The following KHDRBS2 variants were observed in gnomAD, a reference collection of about 807,000 sequenced individuals.
The protein encoded by KHDRBS2 is KH RNA binding domain containing, signal transduction associated 2.
In KHDRBS2, 26 loss-of-function variants were observed where a neutral mutation model predicts 44.3. That is an observed-to-expected ratio of 0.59 (90% CI 0.43 to 0.81). The LOEUF is 0.81. Among genes scored for constraint, KHDRBS2 ranks in the 40% least tolerant of loss-of-function variants. The pLI is 0.00. For synonymous variants in KHDRBS2, 194 were observed against 151.1 expected (o/e 1.28, Z -2.08); for missense variants, 476 against 433.1 (o/e 1.10, Z -0.88).
intron 6 of KHDRBS2, among the ~76,000 whole-genome samples, chr6:61,864,669 G>T (rs1797526784): frequency 6.6e-6 from 1 of 152,054 alleles, no homozygotes; most frequent in Non-Finnish European, 1.5e-5. Context: ...AGGTGACCTG[G>T]CCTTTCTCTC....
chr6:61,745,856 A>G (rs12664191), intron 6 of KHDRBS2, among the ~76,000 whole-genome samples: 57,751 of 151,774 alleles, frequency 0.38, 12,116 homozygotes, highest in African/African-American at 0.57. Context: ...ATTTTATTTT[A>G]TTTTATTTGC....
In KHDRBS2 at chr6:61,956,966, G is replaced by A. The variant is rs191881213; in HGVS notation, c.483+21100C>T. 2.0e-4 allele frequency among the ~76,000 whole-genome samples: 30 copies of A among 151,832 alleles called. No individual in the cohort carries two copies. The East Asian group carries it at 4.8e-3, about 25-fold the overall frequency. On this transcript the variant is annotated intron_variant, in intron 4 of 8. Coordinates refer to ENST00000281156, the MANE Select transcript of KHDRBS2 (RefSeq NM_152688.4). Reference sequence around the variant, plus strand: ...TCTGTTGTGGGAAGTCAGGGACCCCGAACGGAGGAACCAGCTGAAGCCGTG... The same window carrying A: ...TCTGTTGTGGGAAGTCAGGGACCCCAAACGGAGGAACCAGCTGAAGCCGTG...
the KHDRBS2 span, among the ~76,000 whole-genome samples, chr6:61,576,982 G>T: frequency 6.6e-6 from 1 of 152,102 alleles, no homozygotes; most frequent in African/African-American, 2.4e-5. Flanking sequence ...TTGATTTATA[G>T]ATCATGTCTA....
chr6:61,545,728 T>C, the KHDRBS2 span, among the ~76,000 whole-genome samples: 1,954 of 152,116 alleles, frequency 0.013, 46 homozygotes, highest in African/African-American at 0.045. Context: ...AAGCTCTATT[T>C]CCAGAGTGAG....
downstream of KHDRBS2, among the ~76,000 whole-genome samples, chr6:61,678,096 C>T (rs1473168280): frequency 6.6e-6 from 1 of 151,552 alleles, no homozygotes. Flanking sequence ...CAGACCAAGT[C>T]GATCATTAAA....
At chr6:61,574,270 T>C in the KHDRBS2 span, 6 of 1,219,626 alleles carry the variant, frequency 4.9e-6, no homozygotes, top group Non-Finnish European at 7.0e-6. Context: ...ACGGCCGTGG[T>C]ACCCTAACCG....
intron 6 of KHDRBS2, among the ~76,000 whole-genome samples, chr6:61,867,430 C>A (rs966917594): frequency 2.0e-5 from 3 of 152,162 alleles, no homozygotes; most frequent in African/African-American, 7.2e-5. Context: ...GGGGACACAG[C>A]CAAACCCTAT....
intron 6 of KHDRBS2, among the ~76,000 whole-genome samples, chr6:61,849,632 GT>G (rs201486071): frequency 0.16 from 23,540 of 144,300 alleles, 2,260 homozygotes; most frequent in South Asian, 0.28. Flanking sequence ...GAGAAACAAA[GT>G]TTTTTTTTTT....
chr6:62,209,884 A>C lies in KHDRBS2; in HGVS notation c.92-32572T>G, dbSNP rs58236682. Among the ~76,000 whole-genome samples, 869 of 152,174 alleles carry C rather than the reference A, an allele frequency of 5.7e-3. 9 individuals are homozygous for C. The highest frequency in any genetic ancestry group is 0.02 in the African/African-American group (842 of 41,496). Reference sequence around the variant, plus strand: ...GAATTCACACCAGTGATTTGCCAGGAGCTCTCAAGCCTTTGACCACACACT... The same window carrying C: ...GAATTCACACCAGTGATTTGCCAGGCGCTCTCAAGCCTTTGACCACACACT... On this transcript the variant is annotated intron_variant, in intron 1 of 8. Coordinates refer to ENST00000281156, the MANE Select transcript of KHDRBS2 (RefSeq NM_152688.4).
intron 1 of KHDRBS2, among the ~76,000 whole-genome samples, chr6:62,179,033 C>A (rs1381014385): frequency 6.6e-6 from 1 of 151,344 alleles, no homozygotes; most frequent in African/African-American, 2.4e-5. Flanking sequence ...TTTTGTTATT[C>A]TATCTTTAAC....
intron 1 of KHDRBS2, among the ~76,000 whole-genome samples, chr6:62,186,206 T>C (rs770396068): frequency 2.0e-5 from 3 of 152,118 alleles, no homozygotes; most frequent in Non-Finnish European, 4.4e-5. Context: ...GTTCATTTAC[T>C]TAGTTTACTT....
At chr6:62,021,002 G>A (rs1445921241) in intron 3 of KHDRBS2, among the ~76,000 whole-genome samples, 1 of 152,028 alleles carries the variant, frequency 6.6e-6, no homozygotes, top group African/African-American at 2.4e-5. Flanking sequence ...ATGTTAGACT[G>A]TATAAAGAAA....
chr6:61,879,348 C>T (rs916080447), intron 6 of KHDRBS2, among the ~76,000 whole-genome samples: 5 of 151,900 alleles, frequency 3.3e-5, no homozygotes, highest in Non-Finnish European at 5.9e-5. Context: ...TATCTGTAAG[C>T]TTTGTTTTTG....
At chr6:61,545,233 G>A in the KHDRBS2 span, among the ~76,000 whole-genome samples, 1 of 151,888 alleles carries the variant, frequency 6.6e-6, no homozygotes, top group African/African-American at 2.4e-5. Flanking sequence ...ACCACTTGAG[G>A]CCAGGAGTTG....
intron 2 of KHDRBS2, among the ~76,000 whole-genome samples, chr6:62,076,481 T>G (rs9363771): frequency 0.59 from 89,380 of 151,840 alleles, 26,627 homozygotes; most frequent in Non-Finnish European, 0.62. Context: ...CTGTAAATTG[T>G]GTAAATCAGT....
intron 2 of KHDRBS2, among the ~76,000 whole-genome samples, chr6:62,082,983 T>G (rs370159884): frequency 6.6e-6 from 1 of 152,082 alleles, no homozygotes; most frequent in African/African-American, 2.4e-5. Flanking sequence ...ATGATATGGA[T>G]AGGAGGCAGA....
At chr6:62,159,676 G>A (rs1279092393) in intron 2 of KHDRBS2, among the ~76,000 whole-genome samples, 1 of 152,018 alleles carries the variant, frequency 6.6e-6, no homozygotes, top group African/African-American at 2.4e-5. Context: ...ACTGTTGACC[G>A]CAAGACTTAC....
intron 8 of KHDRBS2, among the ~76,000 whole-genome samples, chr6:61,689,083 A>C (rs1767104163): frequency 6.6e-6 from 1 of 151,924 alleles, no homozygotes; most frequent in South Asian, 2.1e-4. Flanking sequence ...ATGAAACCAT[A>C]ATAAAATGTC....
intron 6 of KHDRBS2, among the ~76,000 whole-genome samples, chr6:61,825,518 G>T (rs751547130): frequency 6.6e-6 from 1 of 152,170 alleles, no homozygotes; most frequent in Non-Finnish European, 1.5e-5. Flanking sequence ...ATTTTGAGTA[G>T]AAAATGCATT....
Sources: gnomAD v4.1 joint callset for allele counts (sites outside exome capture counted in the v4.1 genomes callset) on GRCh38, gnomAD v4.1.1 for gene constraint, MANE v1.5 for transcripts, NCBI Gene and HGNC (gene_info 2026-07-23, HGNC 2026-07-21) for gene names.